SLX4: variants seen among roughly 807,000 people sequenced by gnomAD.
SLX4 encodes structure-specific endonuclease subunit SLX4.
A neutral mutation model predicts 146.2 loss-of-function variants in SLX4; 112 were observed. The ratio of observed to expected loss-of-function variants is 0.77; its 90% CI spans 0.66 to 0.90. SLX4 has a LOEUF of 0.90. Among genes scored for constraint, SLX4 ranks in the 40% least tolerant of loss-of-function variants. SLX4 has a pLI of 0.00. For missense variants in SLX4, 2,563 were observed against 2,392.7 expected, an observed-to-expected ratio of 1.07 and a Z score of -1.49; for synonymous variants, 1,061 against 997.7, an observed-to-expected ratio of 1.06 and a Z score of -1.20.
intron 7 of SLX4, 107 bp from the exon 8 acceptor site, chr16:3,596,500 C>T (rs1385716503): frequency 2.2e-6 from 3 of 1,353,336 alleles, no homozygotes; most frequent in African/African-American, 1.4e-5. Flanking sequence ...AACTACAGAG[C>T]AGGATGTGGG....
At chr16:3,605,874 G>T (rs1053366483) in intron 3 of SLX4, among the ~76,000 whole-genome samples, 12 of 149,090 alleles carry the variant, frequency 8.0e-5, no homozygotes, top group Non-Finnish European at 7.4e-5. Context: ...GTGAACCTGG[G>T]AGGTGGAGCT....
rs551823420 is a variant in SLX4, at chr16:3,597,892, G to A, written c.1271C>T (p.Ala424Val). ...CATCTCCGACCGGGACAGAGCCATG[G>A]CCACCAGCAGGTCCTCGGACGGTGC... ...DEAPSEDLLV[A>V]MALSRSEMEP... The change falls in exon 6 of 15, where the codon GCC (alanine) becomes GTC (valine). Residue 424 changes from alanine to valine, a missense_variant. Coordinates refer to ENST00000294008, the MANE Select transcript of SLX4 (RefSeq NM_032444.4). This position sits in a 1 kb window ranked among gnomAD's most constrained non-coding sequence, Gnocchi z 4.4. 8.6e-5 allele frequency: 139 copies of A among 1,614,130 alleles called. No homozygotes were observed. The highest frequency in any genetic ancestry group is 6.2e-4 in the East Asian group (28 of 44,876).
At chr16:3,591,361 C>T in intron 11 of SLX4, 51 bp from the exon 12 acceptor site, 1 of 1,601,754 alleles carries the variant, frequency 6.2e-7, no homozygotes, top group East Asian at 2.2e-5. Context: ...GAGATGGGCT[C>T]TGGGTGCCCC....
chr16:3,595,760 C>A, intron 8 of SLX4, 67 bp from the exon 9 acceptor site: 1 of 1,572,504 alleles, frequency 6.4e-7, no homozygotes. Context: ...AAGAAGACAG[C>A]GTTGACCACA....
At position 3,591,012 on chromosome 16, in the gene SLX4, C is replaced by T. The variant is rs2040585993; in HGVS notation, c.2626G>A (p.Asp876Asn). The change falls in exon 12 of 15, where the codon GAC becomes AAC. Residue 876 changes from aspartate (D) to asparagine (N), a missense_variant. By Grantham distance (23) the Asp-to-Asn change is conservative. Transcript: ENST00000294008. ...QEERAAGAGE[D>N]ADWLEGGSPV... Reference sequence around the variant, plus strand: ...CTGCCACCCTCCAGCCAGTCAGCGTCCTCGCCGGCACCCGCTGCCCTTTCT... The same window carrying T: ...CTGCCACCCTCCAGCCAGTCAGCGTTCTCGCCGGCACCCGCTGCCCTTTCT... 7 of 1,614,100 alleles carry T rather than the reference C, an allele frequency of 4.3e-6. No individual in the cohort carries two copies. The highest frequency in any genetic ancestry group is 3.3e-5 in the South Asian group (3 of 91,096).
rs1224463564 is a variant in SLX4 at position 3,598,000 on chromosome 16, C to G, written c.1164-1G>C. 1 of 1,614,158 alleles carries G rather than the reference C, an allele frequency of 6.2e-7. No homozygotes were observed. The highest frequency in any genetic ancestry group is 2.2e-5 in the East Asian group (1 of 44,888). ...CAGACCTCTACTGTGATCACTGAAG[C>G]TAGAAAACAGCCAAAGAGAAAAGTT... On this transcript the variant is annotated splice_acceptor_variant, in intron 5 of 14. Coordinates refer to ENST00000294008, the MANE Select transcript of SLX4 (RefSeq NM_032444.4). LOFTEE classifies it high-confidence loss of function. This position sits in a 1 kb window ranked among gnomAD's most constrained non-coding sequence, Gnocchi z 4.4.
Position 3,589,669 on chromosome 16 carries a change from T to A in SLX4, c.3969A>T (p.Ser1323=), listed in dbSNP as rs753327971. The change falls in exon 12 of 15, where the codon TCA becomes TCT. Residue 1323 remains serine (S), a synonymous_variant. Transcript: ENST00000294008. This position sits in a 1 kb window ranked among gnomAD's most constrained non-coding sequence, Gnocchi z 6.2. The part of the protein sequence containing the change: ...PQTPPPQTPS[S]CLTPVSPGTS... ...TTCCTGGAGAGACGGGAGTGAGGCA[T>A]GAGGACGGTGTCTGGGGCGGTGGTG... The A allele has an allele frequency of 1.2e-6, 2 of 1,613,950 alleles. No individual in the cohort carries two copies. The highest frequency in any genetic ancestry group is 1.7e-6 in the Non-Finnish European group (2 of 1,180,014).
At chr16:3,611,205 C>A (rs1338680551) in intron 1 of SLX4, among the ~76,000 whole-genome samples, 1 of 152,252 alleles carries the variant, frequency 6.6e-6, no homozygotes, top group Admixed American at 6.5e-5. Context: ...TTCCCCCAAC[C>A]CGGCGACCTA....
chr16:3,596,829 T>G (rs928066440), intron 7 of SLX4, among the ~76,000 whole-genome samples: 62 of 151,916 alleles, frequency 4.1e-4, no homozygotes, highest in African/African-American at 1.4e-3. Context: ...CTCTGTTTTT[T>G]TTTTTTTTTT....
At position 3,587,103 on chromosome 16, in the gene SLX4, A is replaced by G. The variant is rs138547376; in HGVS notation, c.4636+1899T>C. On this transcript the variant is annotated intron_variant, in intron 12 of 14. Transcript: ENST00000294008. ...GTTCTAGAATTAGAGAGTGGGGACAATTGTACAACACTGTGAATGTACTGA... is the reference window on the plus strand; with the variant it reads ...GTTCTAGAATTAGAGAGTGGGGACAGTTGTACAACACTGTGAATGTACTGA... Among the ~76,000 whole-genome samples, 219 of 152,344 alleles carry G rather than the reference A, an allele frequency of 1.4e-3. 1 individual carries two copies. Among genetic ancestry groups the G allele is most frequent in the African/African-American group, 4.9e-3 (203 of 41,568 alleles).
At chr16:3,608,058 G>A (rs1197617049) in intron 2 of SLX4, among the ~76,000 whole-genome samples, 1 of 152,214 alleles carries the variant, frequency 6.6e-6, no homozygotes, top group Non-Finnish European at 1.5e-5. Context: ...AGTGGCTTAC[G>A]CCTGTAATCC....
At chr16:3,598,770 C>T (rs967103424) in intron 5 of SLX4, among the ~76,000 whole-genome samples, 3 of 152,202 alleles carry the variant, frequency 2.0e-5, no homozygotes, top group Non-Finnish European at 4.4e-5. Flanking sequence ...TTCCCAGGAA[C>T]GTGGATAATC....
rs1336931310 is a variant in SLX4, at chr16:3,582,495, C to A, written c.5352G>T (p.Glu1784Asp). The A allele has an allele frequency of 1.2e-6, 2 of 1,614,082 alleles. No homozygotes were observed. The highest frequency in any genetic ancestry group is 4.5e-5 in the East Asian group (2 of 44,892). Reference protein sequence around the residue: ...QPFELRELQAELRQNGLRVSS... With the variant: ...QPFELRELQADLRQNGLRVSS... Reference sequence around the variant, plus strand: ...ACACACGGAGGCCGTTCTGCCTCAGCTCTGCCTGCAGCTCCCGCAGCTCAA... The same window carrying A: ...ACACACGGAGGCCGTTCTGCCTCAGATCTGCCTGCAGCTCCCGCAGCTCAA... Residue 1784 changes from glutamate (E) to aspartate (D), a missense_variant, in exon 15 of 15, where the codon GAG becomes GAT. Coordinates refer to ENST00000294008, the MANE Select transcript of SLX4 (RefSeq NM_032444.4).
At chr16:3,596,969 T>G (rs1256906509) in intron 7 of SLX4, among the ~76,000 whole-genome samples, 1 of 152,116 alleles carries the variant, frequency 6.6e-6, no homozygotes, top group Non-Finnish European at 1.5e-5. Context: ...ATTACAGGTG[T>G]GTGCCACCAT....
rs115188124 is a variant in SLX4 at position 3,588,388 on chromosome 16, G to A, written c.4636+614C>T. 6.6e-3 allele frequency among the ~76,000 whole-genome samples: 999 copies of A among 152,338 alleles called. 9 individuals carry two copies. The highest frequency in any genetic ancestry group is 0.018 in the African/African-American group (731 of 41,578). ...AGCATGTTTTCTGGGTCGTCCACGC[G>A]GTAGCGTGTGGCAGTGCCTCACTCC... On this transcript the variant is annotated intron_variant, in intron 12 of 14. Transcript: ENST00000294008.
chr16:3,604,120 T>C (rs929905591), intron 3 of SLX4, among the ~76,000 whole-genome samples: 18 of 150,882 alleles, frequency 1.2e-4, no homozygotes, highest in African/African-American at 4.4e-4. Flanking sequence ...TAATCCCAGC[T>C]ACTCAGGAGG....
chr16:3,594,900 G>A (rs959215597), intron 9 of SLX4, among the ~76,000 whole-genome samples: 8 of 152,158 alleles, frequency 5.3e-5, no homozygotes, highest in African/African-American at 1.2e-4. Flanking sequence ...GGCAGCTCCC[G>A]CACTGAGTGG....
chr16:3,600,681 A>G (rs907708043), intron 5 of SLX4: 3 of 352,180 alleles, frequency 8.5e-6, no homozygotes, highest in Non-Finnish European at 1.6e-5. Flanking sequence ...GCTCACTGCA[A>G]CCTCTACCTT....
In SLX4 at chr16:3,583,445, G is replaced by A. The variant is rs1433258608; in HGVS notation, c.4805C>T (p.Thr1602Ile). The A allele has an allele frequency of 1.2e-6, 2 of 1,614,080 alleles. No homozygotes were observed. Among genetic ancestry groups the A allele is most frequent in the African/African-American group, 2.7e-5 (2 of 74,924 alleles). Residue 1602 changes from threonine to isoleucine, a missense_variant, in exon 14 of 15, where the codon ACT becomes ATT. Transcript: ENST00000294008. The part of the protein sequence containing the change: ...VLKLKEIFQY[T>I]HQTLDSDSED... ...GGAGTCTGAGTCCAGGGTCTGGTGAGTGTACTGGAATATCTCCTTCAGCTT... is the reference window on the plus strand; with the variant it reads ...GGAGTCTGAGTCCAGGGTCTGGTGAATGTACTGGAATATCTCCTTCAGCTT...
Sources: gnomAD v4.1 joint callset for allele counts (sites outside exome capture counted in the v4.1 genomes callset) on GRCh38, gnomAD v4.1.1 for gene constraint, Gnocchi (gnomAD v3.1) non-coding constraint, MANE v1.5 for transcripts, NCBI Gene and HGNC (gene_info 2026-07-23, HGNC 2026-07-21) for gene names.